Variants in WDR27 observed in about 807,000 individuals in gnomAD.
WDR27 encodes the protein WD repeat-containing protein 27.
WDR27 carries 100 observed loss-of-function variants against 114.4 expected under a neutral mutation model. The ratio of observed to expected loss-of-function variants is 0.87; its 90% CI spans 0.74 to 1.03. The LOEUF (loss-of-function observed/expected upper bound fraction) is 1.03, where lower values mean the gene tolerates loss of function less well. Among genes scored for constraint, WDR27 ranks in the 50% least tolerant of loss-of-function variants. WDR27 has a pLI of 0.00. For synonymous variants in WDR27, 449 were observed against 423.1 expected (o/e 1.06, Z -0.75); for missense variants, 1,129 against 1,092.9 (o/e 1.03, Z -0.47).
At chr6:169,429,664 CACA>C in the WDR27 span, among the ~76,000 whole-genome samples, 7 of 152,172 alleles carry the variant, frequency 4.6e-5, no homozygotes, top group Admixed American at 2.0e-4. Context: ...CTAAACCCAG[CACA>C]CATGGGAGCA....
chr6:169,478,529 A>G (rs899611794), intron 25 of WDR27, among the ~76,000 whole-genome samples: 2 of 152,248 alleles, frequency 1.3e-5, no homozygotes, highest in Admixed American at 1.3e-4. Flanking sequence ...TCATAAACTA[A>G]TTTTTAAAAC....
chr6:169,458,000 AG>A (rs1784471032), intron 25 of WDR27, among the ~76,000 whole-genome samples: 1 of 151,496 alleles, frequency 6.6e-6, no homozygotes, highest in Admixed American at 6.6e-5. Flanking sequence ...GAGGAGGAGG[AG>A]GAGGAGGTGG....
intron 25 of WDR27, among the ~76,000 whole-genome samples, chr6:169,520,367 TAACA>T (rs1794220574): frequency 6.6e-6 from 1 of 152,166 alleles, no homozygotes; most frequent in Admixed American, 6.5e-5. Flanking sequence ...AGATTGTTTT[TAACA>T]AAAAGAAAAT....
In WDR27 at chr6:169,672,396, G is replaced by C. The variant is rs550347640; in HGVS notation, c.190C>G (p.Leu64Val). Residue 64 changes from leucine to valine, a missense_variant and splice_region_variant, in exon 3 of 26, where the codon CTT (leucine) becomes GTT (valine). Leu to Val is a conservative substitution (Grantham distance 32). Transcript: ENST00000448612. ...TGATGGTGTCCTCGTAGGATTAGAA[G>C]CTGGGAAAATTAACAAAAATAAAAC... is the stretch of plus-strand genomic sequence containing the variant. ...IWNTKDPSHQ[L>V]LILRGHHQPI... 1.6e-5 allele frequency: 26 copies of C among 1,588,764 alleles called. No individual in the cohort carries two copies. The East Asian group carries it at 5.6e-4, about 34-fold the overall frequency.
In WDR27 at chr6:169,637,781, G is replaced by A. The variant is rs139536281; in HGVS notation, c.1869+758C>T. Among the ~76,000 whole-genome samples, 312 of 151,836 alleles carry A rather than the reference G, an allele frequency of 2.1e-3. 2 individuals carry two copies. Among genetic ancestry groups the A allele is most frequent in the Admixed American group, 0.016 (247 of 15,268 alleles). On this transcript the variant is annotated intron_variant, in intron 18 of 25. Coordinates refer to ENST00000448612, the MANE Select transcript of WDR27 (RefSeq NM_182552.5). ...TGCGTATGTGTATGCATCTATATGC[G>A]TGTGCCTACTGCGTGTGTCTGAGTA...
intron 25 of WDR27, chr6:169,559,688 C>T (rs1039868690): frequency 2.6e-5 from 4 of 152,166 alleles, no homozygotes; most frequent in East Asian, 3.9e-4. Context: ...GAATCTGCCC[C>T]GAAAGGCTCC....
chr6:169,573,869 T>C (rs1438978130), intron 24 of WDR27, among the ~76,000 whole-genome samples: 1 of 152,228 alleles, frequency 6.6e-6, no homozygotes, highest in Non-Finnish European at 1.5e-5. Flanking sequence ...TCTTTCGTCT[T>C]TTGCATCTGT....
chr6:169,567,818 C>T (rs1800744245), intron 25 of WDR27, among the ~76,000 whole-genome samples: 1 of 152,154 alleles, frequency 6.6e-6, no homozygotes, highest in African/African-American at 2.4e-5. Flanking sequence ...TCCACACCAA[C>T]TTGGAAGCTG....
chr6:169,630,795 GAGGC>G (rs1562750362), intron 21 of WDR27, among the ~76,000 whole-genome samples: 1 of 152,146 alleles, frequency 6.6e-6, no homozygotes, highest in Non-Finnish European at 1.5e-5. Context: ...TCGGGAGCCT[GAGGC>G]AGGAGAGTCA....
intron 25 of WDR27, among the ~76,000 whole-genome samples, chr6:169,538,743 CTT>C (rs1034609947): frequency 2.3e-4 from 35 of 150,924 alleles, no homozygotes; most frequent in South Asian, 4.2e-4. Flanking sequence ...CACAAACACA[CTT>C]ATATATATAT....
intron 25 of WDR27, among the ~76,000 whole-genome samples, chr6:169,570,773 G>A (rs1801271734): frequency 6.6e-6 from 1 of 152,178 alleles, no homozygotes; most frequent in Admixed American, 6.5e-5. Context: ...AGGTCACAGT[G>A]AGCTGCGATT....
At chr6:169,610,292 T>A (rs1175067836) in intron 22 of WDR27, among the ~76,000 whole-genome samples, 3 of 152,174 alleles carry the variant, frequency 2.0e-5, no homozygotes, top group Non-Finnish European at 4.4e-5. Flanking sequence ...TTAGTCTGTT[T>A]TTGCACTGCT....
At chr6:169,637,845 A>C (rs549552261) in intron 18 of WDR27, among the ~76,000 whole-genome samples, 9 of 150,082 alleles carry the variant, frequency 6.0e-5, no homozygotes, top group African/African-American at 1.7e-4. Flanking sequence ...GTATGCATCT[A>C]CACGTGTGTG....
At chr6:169,590,594 G>A (rs761681476) in intron 23 of WDR27, among the ~76,000 whole-genome samples, 10 of 152,254 alleles carry the variant, frequency 6.6e-5, no homozygotes, top group Non-Finnish European at 1.5e-4. Flanking sequence ...CACCAGCCAT[G>A]GGAGGCGAAT....
chr6:169,514,627 A>C (rs1793389764), intron 25 of WDR27, among the ~76,000 whole-genome samples: 1 of 148,542 alleles, frequency 6.7e-6, no homozygotes, highest in Non-Finnish European at 1.5e-5. Flanking sequence ...AAAATGATCA[A>C]ACAAATCCCT....
At chr6:169,486,309 C>T (rs1326235748) in intron 25 of WDR27, among the ~76,000 whole-genome samples, 2 of 152,012 alleles carry the variant, frequency 1.3e-5, no homozygotes, top group Non-Finnish European at 2.9e-5. Context: ...AAGAGAGCTA[C>T]CATTTGACCC....
At chr6:169,664,555 G>T (rs967295578) in intron 7 of WDR27, 2 of 1,317,170 alleles carry the variant, frequency 1.5e-6, no homozygotes, top group Non-Finnish European at 1.9e-6. Context: ...TCCCCAAGAT[G>T]CTCCTCTGGG....
intron 25 of WDR27, among the ~76,000 whole-genome samples, chr6:169,475,630 C>T (rs965783825): frequency 1.3e-5 from 2 of 152,192 alleles, no homozygotes; most frequent in Admixed American, 6.5e-5. Flanking sequence ...TTTCTCTAAA[C>T]ATTGTACCAA....
the WDR27 span, among the ~76,000 whole-genome samples, chr6:169,427,420 C>T: frequency 1.4e-5 from 2 of 145,912 alleles, no homozygotes; most frequent in African/African-American, 4.9e-5. Flanking sequence ...AAGTTTCTGA[C>T]TCAGCGCCTA....
Sources: gnomAD v4.1 joint callset for allele counts (sites outside exome capture counted in the v4.1 genomes callset) on GRCh38, gnomAD v4.1.1 for gene constraint, MANE v1.5 for transcripts, NCBI Gene and HGNC (gene_info 2026-07-23, HGNC 2026-07-21) for gene names.